GPHN: variants seen among roughly 807,000 people sequenced by gnomAD.
GPHN encodes gephyrin.
A neutral mutation model predicts 95.5 loss-of-function variants in GPHN; 17 were observed. The ratio of observed to expected loss-of-function variants is 0.18; its 90% CI spans 0.12 to 0.27. The LOEUF (loss-of-function observed/expected upper bound fraction) is 0.27. Among genes scored for constraint, GPHN ranks in the 10% least tolerant of loss-of-function variants. The pLI, the probability that GPHN is intolerant of heterozygous loss-of-function variation, is 1.00. For synonymous variants in GPHN, 320 were observed against 322.5 expected (o/e 0.99, Z 0.08); for missense variants, 660 against 978.1 (o/e 0.67, Z 4.34).
At chr14:67,334,562 A>G in the GPHN span, 7 of 152,606 alleles carry the variant, frequency 4.6e-5, no homozygotes, top group African/African-American at 1.4e-4. Context: ...ATTTGAACAA[A>G]TGTAGACAGT....
At chr14:67,545,525 A>G in the GPHN span, among the ~76,000 whole-genome samples, 1 of 152,220 alleles carries the variant, frequency 6.6e-6, no homozygotes, top group Non-Finnish European at 1.5e-5. Flanking sequence ...TAGGGACAAG[A>G]AAATAATATA....
At chr14:67,693,201 T>C in the GPHN span, 1 of 531,794 alleles carries the variant, frequency 1.9e-6, no homozygotes, top group Non-Finnish European at 3.3e-6. Context: ...TTAAGGAAAG[T>C]TGGAGGAAAG....
At chr14:67,150,310 G>A (rs1302093887) in intron 18 of GPHN, among the ~76,000 whole-genome samples, 9 of 150,190 alleles carry the variant, frequency 6.0e-5, no homozygotes, top group African/African-American at 9.8e-5. Context: ...GCGTAGTGGC[G>A]GGCGCCTGTA....
At chr14:67,617,797 C>T in the GPHN span, among the ~76,000 whole-genome samples, 1 of 152,020 alleles carries the variant, frequency 6.6e-6, no homozygotes, top group Admixed American at 6.6e-5. Flanking sequence ...CTTGGCTCAC[C>T]GCAATCTCCG....
intron 9 of GPHN, among the ~76,000 whole-genome samples, chr14:66,989,933 T>A (rs1454304920): frequency 6.6e-6 from 1 of 152,190 alleles, no homozygotes; most frequent in Admixed American, 6.6e-5. Flanking sequence ...TGAAAATTTA[T>A]TGTAGGTGTA....
the GPHN span, among the ~76,000 whole-genome samples, chr14:67,672,143 G>A: frequency 2.0e-5 from 3 of 148,304 alleles, no homozygotes; most frequent in Admixed American, 6.7e-5. Flanking sequence ...TTTTTTGGGA[G>A]AGTCTTGCTC....
chr14:67,729,971 G>T, the GPHN span, among the ~76,000 whole-genome samples: 1 of 152,146 alleles, frequency 6.6e-6, no homozygotes, highest in African/African-American at 2.4e-5. Context: ...GTCCCGCTTT[G>T]TTCAAGGCTT....
At chr14:67,706,910 G>A in the GPHN span, among the ~76,000 whole-genome samples, 1 of 152,298 alleles carries the variant, frequency 6.6e-6, no homozygotes, top group South Asian at 2.1e-4. Flanking sequence ...TTTTTAGAAG[G>A]TTGTGAAGTC....
chr14:66,974,699 C>A (rs2070093231), intron 9 of GPHN, among the ~76,000 whole-genome samples: 1 of 152,000 alleles, frequency 6.6e-6, no homozygotes, highest in Admixed American at 6.6e-5. Context: ...TAAAAAAGTT[C>A]TTATAAAATA....
chr14:67,331,346 T>C, the GPHN span, among the ~76,000 whole-genome samples: 105 of 152,254 alleles, frequency 6.9e-4, no homozygotes, highest in Non-Finnish European at 1.1e-3. Context: ...TGCGCTGGTA[T>C]TGGTATTTCT....
intron 1 of GPHN, among the ~76,000 whole-genome samples, chr14:66,658,118 G>A (rs748873974): frequency 2.0e-5 from 3 of 152,088 alleles, no homozygotes; most frequent in Non-Finnish European, 4.4e-5. Flanking sequence ...GGATCAGTTC[G>A]AGGGGTTTAT....
intron 3 of GPHN, among the ~76,000 whole-genome samples, chr14:66,778,423 T>TTAAA (rs2059469611): frequency 6.6e-6 from 1 of 152,190 alleles, no homozygotes; most frequent in Non-Finnish European, 1.5e-5. Context: ...GACTTACTCT[T>TTAAA]TAAAAATTAG....
chr14:67,725,682 C>T, the GPHN span, among the ~76,000 whole-genome samples: 1 of 152,196 alleles, frequency 6.6e-6, no homozygotes, highest in Non-Finnish European at 1.5e-5. Flanking sequence ...CCATGTCTGG[C>T]TTGTGTTACC....
intron 1 of GPHN, among the ~76,000 whole-genome samples, chr14:66,665,911 C>G (rs922295794): frequency 2.6e-5 from 4 of 152,136 alleles, no homozygotes; most frequent in African/African-American, 9.7e-5. Flanking sequence ...TCATGGAATA[C>G]TATGCAGCCA....
chr14:66,857,877 G>A (rs77518020), intron 4 of GPHN, among the ~76,000 whole-genome samples: 1,910 of 152,262 alleles, frequency 0.013, 18 homozygotes, highest in Non-Finnish European at 0.018. Flanking sequence ...CACAGTGATT[G>A]TGAGACGTAG....
At chr14:67,466,677 T>C in the GPHN span, among the ~76,000 whole-genome samples, 17 of 152,150 alleles carry the variant, frequency 1.1e-4, no homozygotes, top group African/African-American at 4.1e-4. Flanking sequence ...GCACAGTAAA[T>C]GTCTGCACTT....
chr14:66,979,929 C>T (rs2070537286), intron 9 of GPHN, among the ~76,000 whole-genome samples: 1 of 151,974 alleles, frequency 6.6e-6, no homozygotes, highest in African/African-American at 2.4e-5. Context: ...AATAGAGAGG[C>T]CAGCCCACAG....
intron 4 of GPHN, among the ~76,000 whole-genome samples, chr14:66,849,448 A>G (rs1325246843): frequency 6.6e-6 from 1 of 152,048 alleles, no homozygotes; most frequent in East Asian, 1.9e-4. Flanking sequence ...CATATTACAT[A>G]TTGCTAAATT....
intron 8 of GPHN, among the ~76,000 whole-genome samples, chr14:66,947,203 G>C (rs1456060668): frequency 6.6e-6 from 1 of 151,996 alleles, no homozygotes; most frequent in Non-Finnish European, 1.5e-5. Context: ...GGAATTTGCT[G>C]TCCCCATTAC....
Sources: gnomAD v4.1 joint callset for allele counts (sites outside exome capture counted in the v4.1 genomes callset) on GRCh38, gnomAD v4.1.1 for gene constraint, MANE v1.5 for transcripts, NCBI Gene and HGNC (gene_info 2026-07-23, HGNC 2026-07-21) for gene names.